The following TGM4 variants were observed in gnomAD, a reference collection of about 807,000 sequenced individuals.
TGM4 encodes protein-glutamine gamma-glutamyltransferase 4.
TGM4 carries 61 observed loss-of-function variants against 76.3 expected under a neutral mutation model. The observed-to-expected ratio is 0.80, with a 90% confidence interval of 0.65 to 0.99. TGM4 has a LOEUF of 0.99. Among genes scored for constraint, TGM4 ranks in the 50% least tolerant of loss-of-function variants. TGM4 has a pLI of 0.00. For synonymous variants in TGM4, 337 were observed against 329.8 expected, an observed-to-expected ratio of 1.02 and a Z score of -0.24; for missense variants, 794 against 843.2, an observed-to-expected ratio of 0.94 and a Z score of 0.72.
At chr3:44,876,566 A>G (rs1699454215) in intron 1 of TGM4, 1 of 152,228 alleles carries the variant, frequency 6.6e-6, no homozygotes, top group Non-Finnish European at 1.5e-5. Context: ...AGAGAAAAAC[A>G]AAGCCAGATA....
Position 44,887,906 on chromosome 3 carries a change from G to A in TGM4, c.300+111G>A, listed in dbSNP as rs1575714708. The A allele has an allele frequency of 2.4e-5, 22 of 898,588 alleles. No homozygotes were observed. In the East Asian group the frequency reaches 5.3e-4, roughly 21 times the overall value. 55.7% of individuals were successfully genotyped at this position (898,588 alleles called of 1,614,324 possible). Reference sequence around the variant, plus strand: ...CTGTCAGCTGGTAACATGGTTTAAAGCCATCCACAGCACAGCATGATAGAG... The same window carrying A: ...CTGTCAGCTGGTAACATGGTTTAAAACCATCCACAGCACAGCATGATAGAG... On this transcript the variant is annotated intron_variant, in intron 3 of 13. Transcript: ENST00000296125.
intron 8 of TGM4, 113 bp downstream of exon 8, chr3:44,902,044 C>G (rs1440800021): frequency 9.2e-6 from 12 of 1,300,868 alleles, no homozygotes; most frequent in Admixed American, 8.7e-5. Flanking sequence ...GAACTGGTGT[C>G]AAGCAGTCCT....
At chr3:44,890,127 A>G (rs1699669149) in intron 3 of TGM4, among the ~76,000 whole-genome samples, 2 of 152,138 alleles carry the variant, frequency 1.3e-5, no homozygotes, top group African/African-American at 4.8e-5. Flanking sequence ...GCATGGGGGA[A>G]ACTGCCCCCA....
chr3:44,887,584 A>AG (rs1699625279), intron 2 of TGM4, 105 bp from the exon 3 acceptor site: 1 of 945,068 alleles, frequency 1.1e-6, no homozygotes, highest in Non-Finnish European at 1.6e-6. Flanking sequence ...CCTGGAAAGG[A>AG]GGGGTGGGGG....
chr3:44,902,414 C>A (rs1699867295), intron 8 of TGM4, among the ~76,000 whole-genome samples: 1 of 151,924 alleles, frequency 6.6e-6, no homozygotes, highest in Non-Finnish European at 1.5e-5. Flanking sequence ...ACCATCCTGG[C>A]CATGGTGAAA....
intron 3 of TGM4, chr3:44,889,184 A>AAAAAAAAAAAAAC (rs1699654726): frequency 6.6e-6 from 1 of 152,426 alleles, no homozygotes; most frequent in African/African-American, 2.7e-5. Flanking sequence ...AAAAAAAAAA[A>AAAAAAAAAAAAAC]AAAAAAAAAA....
chr3:44,898,634 A>T (rs1293380780), intron 6 of TGM4, among the ~76,000 whole-genome samples: 1 of 152,176 alleles, frequency 6.6e-6, no homozygotes, highest in Non-Finnish European at 1.5e-5. Flanking sequence ...TCTCCAGGTG[A>T]GTCTGTGAGC....
At position 44,881,203 on chromosome 3, in the gene TGM4, T is replaced by TA. The variant is rs56209528; in HGVS notation, c.20-4109dup. ...TGGGTGACAGAGCAAGGCCCTGTAT[T>TA]AAAAAAAAAAAAATCAAAGTAATCT... On this transcript the variant is annotated intron_variant, in intron 1 of 13. Coordinates refer to ENST00000296125, the MANE Select transcript of TGM4 (RefSeq NM_003241.4). Among the ~76,000 whole-genome samples, 521 of 145,744 alleles carry TA rather than the reference T, an allele frequency of 3.6e-3. 4 individuals carry two copies. The highest frequency in any genetic ancestry group is 0.021 in the South Asian group (99 of 4,642).
At chr3:44,907,718 T>C (rs1197183288) in intron 10 of TGM4, among the ~76,000 whole-genome samples, 1 of 152,152 alleles carries the variant, frequency 6.6e-6, no homozygotes, top group Admixed American at 6.5e-5. Flanking sequence ...TGGCCAAACC[T>C]CTGCTTATGC....
intron 9 of TGM4, among the ~76,000 whole-genome samples, chr3:44,904,974 G>T (rs997408692): frequency 1.3e-5 from 2 of 150,882 alleles, no homozygotes; most frequent in Admixed American, 6.6e-5. Context: ...GAGCCACTGT[G>T]CCTGGCCTTT....
Position 44,893,560 on chromosome 3 carries a change from G to C in TGM4, c.431-17G>C, listed in dbSNP as rs772627161. The C allele has an allele frequency of 1.2e-6, 2 of 1,604,226 alleles. No individual in the cohort carries two copies. The highest frequency in any genetic ancestry group is 2.2e-5 in the South Asian group (2 of 90,862). ...AGGGCAGAATATAACCTCTGTGGAT[G>C]TGTGGTCTTGCTTCAGAGGACATGG... On this transcript the variant is annotated splice_polypyrimidine_tract_variant and intron_variant, in intron 4 of 13. Transcript: ENST00000296125.
chr3:44,899,901 G>T (rs537461000), intron 6 of TGM4, among the ~76,000 whole-genome samples: 12 of 152,342 alleles, frequency 7.9e-5, no homozygotes, highest in Non-Finnish European at 1.6e-4. Flanking sequence ...AAGAGAGGGG[G>T]TGCCCAGGCT....
chr3:44,909,429 A>G (rs1244796632), intron 10 of TGM4, among the ~76,000 whole-genome samples: 2 of 152,158 alleles, frequency 1.3e-5, no homozygotes, highest in African/African-American at 4.8e-5. Flanking sequence ...GCAGTTGTAA[A>G]CAATTGCTGC....
chr3:44,880,987 G>A lies in TGM4; in HGVS notation c.20-4338G>A, dbSNP rs531919647. On this transcript the variant is annotated intron_variant, in intron 1 of 13. Transcript: ENST00000296125. ...AATTCCAACATTTTTGGAGGCTGAGGCAGGAGGATCGCTTGAATTCAGGAG... is the reference window on the plus strand; with the variant it reads ...AATTCCAACATTTTTGGAGGCTGAGACAGGAGGATCGCTTGAATTCAGGAG... Among the ~76,000 whole-genome samples the A allele has an allele frequency of 1.1e-3, 161 of 152,218 alleles. 1 individual carries two copies. The highest frequency in any genetic ancestry group is 3.9e-3 in the Admixed American group (59 of 15,298).
chr3:44,877,515 A>G (rs1363570665), intron 1 of TGM4, among the ~76,000 whole-genome samples: 1 of 151,876 alleles, frequency 6.6e-6, no homozygotes, highest in African/African-American at 2.4e-5. Context: ...CTACTCAGCT[A>G]CTCAGGTTCA....
At position 44,914,353 on chromosome 3, in the gene TGM4, C is replaced by T. The variant is rs532206023; in HGVS notation, c.*628C>T. On this transcript the variant is annotated 3_prime_UTR_variant, in exon 14 of 14. Coordinates refer to ENST00000296125, the MANE Select transcript of TGM4 (RefSeq NM_003241.4). ...ACCCTGTCCTCAGGCCTGAACTCAC[C>T]ATAGAGACCCATGTCAGCAAACGGT... 6.6e-6 allele frequency: 1 copy of T among 152,500 alleles called. No homozygotes were observed. Among genetic ancestry groups the T allele is most frequent in the Admixed American group, 6.5e-5 (1 of 15,308 alleles). The allele number at this position is 152,500 out of a possible 1,614,324, so 9.4% of individuals were successfully genotyped here.
chr3:44,907,896 C>T (rs1699947008), intron 10 of TGM4, among the ~76,000 whole-genome samples: 1 of 152,148 alleles, frequency 6.6e-6, no homozygotes, highest in African/African-American at 2.4e-5. Flanking sequence ...CATATAGCAT[C>T]CTCAAAGGGT....
intron 8 of TGM4, chr3:44,903,634 G>C: frequency 3.9e-6 from 2 of 507,658 alleles, no homozygotes; most frequent in East Asian, 6.8e-5. Context: ...CATAGGCAGG[G>C]TGACGGTCTC....
chr3:44,889,953 A>C (rs1699666432), intron 3 of TGM4, among the ~76,000 whole-genome samples: 1 of 152,234 alleles, frequency 6.6e-6, no homozygotes, highest in East Asian at 1.9e-4. Flanking sequence ...ATTGACTCAC[A>C]GTTCCACATG....
Sources: allele counts gnomAD v4.1 joint callset (sites outside exome capture counted in the v4.1 genomes callset), GRCh38; gene constraint gnomAD v4.1.1; transcripts MANE v1.5; gene names NCBI Gene and HGNC (gene_info 2026-07-23, HGNC 2026-07-21).